The following ELAVL4 variants were observed in gnomAD, a reference collection of about 807,000 sequenced individuals.
ELAVL4 encodes ELAV like RNA binding protein 4, also known as ELAV-like protein 4.
In ELAVL4, 1 loss-of-function variant was observed where a neutral mutation model predicts 35.6. The observed-to-expected ratio is 0.03, with a 90% CI of 0.01 to 0.13. The LOEUF is 0.13. Among genes scored for constraint, ELAVL4 ranks in the 10% least tolerant of loss-of-function variants. The pLI, the probability that ELAVL4 is intolerant of heterozygous loss-of-function variation, is 1.00. For missense variants in ELAVL4, 267 were observed against 464.9 expected, an observed-to-expected ratio of 0.57 and a Z score of 3.91; for synonymous variants, 156 against 171.0, an observed-to-expected ratio of 0.91 and a Z score of 0.69.
chr1:50,085,288 C>T (rs1665189214), intron 1 of ELAVL4, among the ~76,000 whole-genome samples: 2 of 152,218 alleles, frequency 1.3e-5, no homozygotes, highest in Admixed American at 6.5e-5. Flanking sequence ...GTTCCAAGAA[C>T]ACACACATCC....
Position 50,201,403 on chromosome 1 carries a change from C to A in ELAVL4, c.*225C>A, listed in dbSNP as rs57969806. 6.7e-4 allele frequency: 218 copies of A among 324,018 alleles called. No homozygotes were observed. The highest frequency in any genetic ancestry group is 9.4e-4 in the Non-Finnish European group (178 of 189,480). The allele number at this position is 324,018 out of a possible 1,614,324, so 20.1% of individuals were successfully genotyped here. A position where few individuals can be genotyped will look rare whatever the true frequency, so the allele number is the denominator to read the frequency against. On this transcript the variant is annotated 3_prime_UTR_variant, in exon 7 of 7. Transcript: ENST00000371824. The surrounding 1 kb of genome is among the most constrained non-coding windows in gnomAD (Gnocchi z 4.3). The stretch of plus-strand genomic sequence containing the variant: ...CTTAGAAAAAAAGAAAAAAAAAAAA[C>A]AAAAAATACCTTTGATGCATTGAAT...
chr1:50,082,947 T>G (rs1183753425), intron 1 of ELAVL4, among the ~76,000 whole-genome samples: 4 of 152,186 alleles, frequency 2.6e-5, no homozygotes, highest in African/African-American at 9.7e-5. Flanking sequence ...CAATGTGAAC[T>G]TCAGAAAAGC....
chr1:50,147,111 G>A (rs1209859415), intron 2 of ELAVL4, among the ~76,000 whole-genome samples: 1 of 152,078 alleles, frequency 6.6e-6, no homozygotes, highest in Non-Finnish European at 1.5e-5. Context: ...TAGCATCTGA[G>A]CTTAAAGAAG....
chr1:50,127,439 G>A, intron 1 of ELAVL4, among the ~76,000 whole-genome samples: 1 of 152,040 alleles, frequency 6.6e-6, no homozygotes, highest in East Asian at 1.9e-4. Flanking sequence ...AAAATGGCAG[G>A]GTAATTTAGA....
intron 1 of ELAVL4, among the ~76,000 whole-genome samples, chr1:50,133,584 A>G (rs1031476763): frequency 2.2e-5 from 3 of 134,464 alleles, no homozygotes; most frequent in Middle Eastern, 3.6e-3. Flanking sequence ...GAGAGAGAGA[A>G]AGAAAGAAAG....
chr1:50,052,337 C>T (rs1663428316), intron 1 of ELAVL4, among the ~76,000 whole-genome samples: 1 of 152,128 alleles, frequency 6.6e-6, no homozygotes, highest in African/African-American at 2.4e-5. Context: ...ATACACACCC[C>T]ACACTTTTTG....
chr1:50,082,680 C>T (rs1246364045), intron 1 of ELAVL4, among the ~76,000 whole-genome samples: 1 of 152,142 alleles, frequency 6.6e-6, no homozygotes, highest in Admixed American at 6.6e-5. Context: ...CATCTATTGT[C>T]TCCATTAGAG....
chr1:50,139,180 A>T (rs1672403226), intron 1 of ELAVL4, among the ~76,000 whole-genome samples: 1 of 152,094 alleles, frequency 6.6e-6, no homozygotes, highest in Non-Finnish European at 1.5e-5. Flanking sequence ...TGTTTGAGAG[A>T]TCCAGTAAGC....
chr1:50,058,528 A>C (rs978077829), intron 1 of ELAVL4, among the ~76,000 whole-genome samples: 9 of 152,198 alleles, frequency 5.9e-5, no homozygotes, highest in African/African-American at 2.2e-4. Context: ...GAAGATTAAA[A>C]AGTAAAAATG....
chr1:50,128,112 C>T (rs1435863001), intron 1 of ELAVL4, among the ~76,000 whole-genome samples: 2 of 151,980 alleles, frequency 1.3e-5, no homozygotes, highest in African/African-American at 4.8e-5. Context: ...TCAGACTCAA[C>T]GTGGAAATAA....
At chr1:50,189,579 G>C (rs557930672) in intron 3 of ELAVL4, among the ~76,000 whole-genome samples, 2 of 152,344 alleles carry the variant, frequency 1.3e-5, no homozygotes, top group South Asian at 4.1e-4. Context: ...TGCCTCTACA[G>C]GCATTCCCTG....
chr1:50,188,358 G>T (rs1572597002), intron 3 of ELAVL4, among the ~76,000 whole-genome samples: 1 of 152,212 alleles, frequency 6.6e-6, no homozygotes, highest in Non-Finnish European at 1.5e-5. Context: ...ATAGAAATTT[G>T]CAGTTTTGTG....
chr1:50,049,881 A>G (rs1250552827), intron 1 of ELAVL4, among the ~76,000 whole-genome samples: 1 of 152,178 alleles, frequency 6.6e-6, no homozygotes, highest in African/African-American at 2.4e-5. Context: ...TGAAACCTTT[A>G]CTTGCTTGCT....
chr1:50,067,501 G>A (rs1192858573), intron 1 of ELAVL4, among the ~76,000 whole-genome samples: 1 of 152,132 alleles, frequency 6.6e-6, no homozygotes, highest in Non-Finnish European at 1.5e-5. Flanking sequence ...ATATAAATAT[G>A]CATATAAATA....
At chr1:50,127,711 T>C (rs1670180775) in intron 1 of ELAVL4, among the ~76,000 whole-genome samples, 1 of 152,160 alleles carries the variant, frequency 6.6e-6, no homozygotes, top group African/African-American at 2.4e-5. Flanking sequence ...CCTATTGATA[T>C]GCCCCAAGTT....
At chr1:50,108,431 A>G (rs1370270868), upstream of ELAVL4, among the ~76,000 whole-genome samples, 2 of 152,196 alleles carry the variant, frequency 1.3e-5, no homozygotes, top group African/African-American at 4.8e-5. Context: ...TAGCACATTA[A>G]AGTGCTTTTG....
intron 1 of ELAVL4, chr1:50,109,699 A>G (rs1217525585): frequency 3.7e-6 from 2 of 533,674 alleles, no homozygotes; most frequent in East Asian, 3.2e-5. Context: ...TGCGCAGTCA[A>G]AACGGCAAAG....
At chr1:50,107,868 G>A (rs533860683), upstream of ELAVL4, among the ~76,000 whole-genome samples, 3 of 152,252 alleles carry the variant, frequency 2.0e-5, no homozygotes, top group Admixed American at 2.0e-4. Flanking sequence ...TGTTAAATGT[G>A]TAAATAGGCA....
At chr1:50,199,184 G>A (rs555101922) in intron 6 of ELAVL4, among the ~76,000 whole-genome samples, 51 of 152,202 alleles carry the variant, frequency 3.4e-4, no homozygotes, top group Non-Finnish European at 6.9e-4. Flanking sequence ...TGTCTATTGA[G>A]TTGTTATATT....
Sources: allele counts gnomAD v4.1 joint callset (sites outside exome capture counted in the v4.1 genomes callset), GRCh38; gene constraint gnomAD v4.1.1; non-coding constraint Gnocchi (gnomAD v3.1); transcripts MANE v1.5; gene names NCBI Gene and HGNC (gene_info 2026-07-23, HGNC 2026-07-21).